POLG2: variants seen among roughly 807,000 people sequenced by gnomAD.
POLG2 encodes DNA polymerase subunit gamma-2.
Under a neutral mutation model 56.5 loss-of-function variants are expected in POLG2, and 50 were observed. The observed-to-expected ratio is 0.88, with a 90% confidence interval of 0.71 to 1.12. POLG2 has a LOEUF of 1.12. Ranked by LOEUF, POLG2 falls within the 50% of genes most tolerant of loss-of-function variation. The pLI is 0.00. For synonymous variants in POLG2, 226 were observed against 222.6 expected, an observed-to-expected ratio of 1.02 and a Z score of -0.14; for missense variants, 584 against 583.3, an observed-to-expected ratio of 1.00 and a Z score of -0.01.
intron 6 of POLG2, among the ~76,000 whole-genome samples, chr17:64,481,847 C>T (rs1174611119): frequency 6.6e-6 from 1 of 151,338 alleles, no homozygotes; most frequent in Non-Finnish European, 1.5e-5. Context: ...TGCACTCCAG[C>T]CTGGGTAACA....
At chr17:64,486,531 T>G (rs2144161081) in intron 4 of POLG2, among the ~76,000 whole-genome samples, 1 of 152,124 alleles carries the variant, frequency 6.6e-6, no homozygotes, top group Middle Eastern at 3.4e-3. Context: ...CTGGCTAATT[T>G]TTTTCTATTT....
chr17:64,488,185 G>A (rs1021010191), intron 4 of POLG2, among the ~76,000 whole-genome samples: 7 of 152,040 alleles, frequency 4.6e-5, no homozygotes, highest in Admixed American at 3.3e-4. Context: ...GCAACACAGC[G>A]AGACCCCATC....
intron 5 of POLG2, chr17:64,485,117 T>G (rs372078453): frequency 2.0e-5 from 3 of 152,364 alleles, no homozygotes; most frequent in Non-Finnish European, 4.4e-5. Context: ...CTTTTCAAGA[T>G]ACATTCTTCT....
chr17:64,482,802 G>A (rs1174407381), intron 6 of POLG2, 117 bp downstream of exon 6: 20 of 678,418 alleles, frequency 2.9e-5, no homozygotes, highest in Non-Finnish European at 5.4e-5. Flanking sequence ...TTGGATTTTT[G>A]GATTAGAGAT....
At chr17:64,482,225 T>C (rs192681628) in intron 6 of POLG2, among the ~76,000 whole-genome samples, 2 of 148,698 alleles carry the variant, frequency 1.3e-5, no homozygotes, top group African/African-American at 4.9e-5. Flanking sequence ...TGCCTTAGCC[T>C]CCTGAATAGC....
chr17:64,491,559 C>T (rs1555668466), intron 3 of POLG2: 31 of 1,550,968 alleles, frequency 2.0e-5, no homozygotes, highest in Non-Finnish European at 2.7e-5. Context: ...CAAGAAACTT[C>T]TGGAGGTCAA....
chr17:64,479,764 AGC>A (rs2037827305), intron 7 of POLG2, among the ~76,000 whole-genome samples: 2 of 152,188 alleles, frequency 1.3e-5, no homozygotes, highest in Non-Finnish European at 2.9e-5. Context: ...TTAGGAAGCA[AGC>A]TGACAGCATT....
At chr17:64,492,126 A>C (rs1386136064) in intron 3 of POLG2, among the ~76,000 whole-genome samples, 1 of 152,240 alleles carries the variant, frequency 6.6e-6, no homozygotes, top group Non-Finnish European at 1.5e-5. Context: ...TAAAGAAGAA[A>C]GTATCACATA....
At chr17:64,483,384 G>A (rs911893217) in intron 5 of POLG2, among the ~76,000 whole-genome samples, 33 of 151,870 alleles carry the variant, frequency 2.2e-4, no homozygotes, top group African/African-American at 7.3e-4. Context: ...TAGGTATGGC[G>A]CATACCTGTA....
chr17:64,483,478 C>T (rs567192855), intron 5 of POLG2, among the ~76,000 whole-genome samples: 149 of 150,522 alleles, frequency 9.9e-4, no homozygotes, highest in Non-Finnish European at 1.4e-3. Flanking sequence ...CGTGCCACTG[C>T]ACTCTAGTCT....
intron 3 of POLG2, chr17:64,491,705 C>A: frequency 9.8e-7 from 1 of 1,016,732 alleles, no homozygotes; most frequent in Non-Finnish European, 1.5e-6. Flanking sequence ...CGGGGTTTAC[C>A]ATGGTGCTGG....
Position 64,497,044 on chromosome 17 carries a change from T to A in POLG2, c.-76A>T, listed in dbSNP as rs901109833. ...CAAGCCACCACTACCGTTAACAGAA[T>A]CCGGAGAGGCCACGGCGCAGGCGCA... On this transcript the variant is annotated 5_prime_UTR_variant, in exon 1 of 8. Coordinates refer to ENST00000539111, the MANE Select transcript of POLG2 (RefSeq NM_007215.4). 1.9e-5 allele frequency: 28 copies of A among 1,443,612 alleles called. No individual in the cohort carries two copies. The South Asian group carries it at 2.8e-4, about 14-fold the overall frequency. The allele number at this position is 1,443,612 out of a possible 1,614,324, so 89.4% of individuals were successfully genotyped here. A position where few individuals can be genotyped will look rare whatever the true frequency, so the allele number is the denominator to read the frequency against.
intron 5 of POLG2, among the ~76,000 whole-genome samples, chr17:64,483,262 C>T (rs1555666862): frequency 6.6e-6 from 1 of 152,104 alleles, no homozygotes; most frequent in Non-Finnish European, 1.5e-5. Flanking sequence ...GCCTATAATT[C>T]CAGCACTTTG....
In POLG2 at chr17:64,483,177, T is replaced by C. The variant is rs570144383; in HGVS notation, c.1111-178A>G. On this transcript the variant is annotated intron_variant, in intron 5 of 7. Coordinates refer to ENST00000539111, the MANE Select transcript of POLG2 (RefSeq NM_007215.4). The stretch of plus-strand genomic sequence containing the variant: ...CATAAAAACACCATGTAGTAACATA[T>C]TCAGCTGCCCCCCAGATTTCTCCAC... 2.0e-5 allele frequency among the ~76,000 whole-genome samples: 3 copies of C among 152,314 alleles called. No individual in the cohort carries two copies. The East Asian group carries it at 5.8e-4, about 29-fold the overall frequency.
chr17:64,490,487 C>T, intron 4 of POLG2: 2 of 363,568 alleles, frequency 5.5e-6, no homozygotes, highest in Non-Finnish European at 5.2e-6. Flanking sequence ...TCACGCAAGA[C>T]AAGAGGAATT....
intron 4 of POLG2, chr17:64,490,480 C>T (rs868912484): frequency 6.0e-5 from 21 of 351,534 alleles, no homozygotes; most frequent in Middle Eastern, 9.5e-4. Flanking sequence ...GTCAAGGTCA[C>T]GCAAGACAAG....
chr17:64,497,020 A>C lies in POLG2; in HGVS notation c.-52T>G. 1.3e-6 allele frequency: 2 copies of C among 1,507,358 alleles called. No individual in the cohort carries two copies. Among genetic ancestry groups the C allele is most frequent in the Non-Finnish European group, 1.8e-6 (2 of 1,096,050 alleles). 93.4% of individuals were successfully genotyped at this position (1,507,358 alleles called of 1,614,324 possible). ...CTCCCATCACTCAACGGATCCCAACAAGCCACCACTACCGTTAACAGAATC... is the reference window on the plus strand; with the variant it reads ...CTCCCATCACTCAACGGATCCCAACCAGCCACCACTACCGTTAACAGAATC... On this transcript the variant is annotated 5_prime_UTR_variant, in exon 1 of 8. Coordinates refer to ENST00000539111, the MANE Select transcript of POLG2 (RefSeq NM_007215.4).
intron 1 of POLG2, among the ~76,000 whole-genome samples, chr17:64,495,670 A>T (rs2038138974): frequency 6.6e-6 from 1 of 152,168 alleles, no homozygotes; most frequent in African/African-American, 2.4e-5. Context: ...TTCTTTTACA[A>T]TGAATATCTT....
chr17:64,491,696 G>A (rs1219209614), intron 3 of POLG2: 12 of 1,095,606 alleles, frequency 1.1e-5, no homozygotes, highest in East Asian at 2.6e-5. Context: ...GGAGCATCTC[G>A]GGGTTTACCA....
Sources: allele counts gnomAD v4.1 joint callset (sites outside exome capture counted in the v4.1 genomes callset), GRCh38; gene constraint gnomAD v4.1.1; transcripts MANE v1.5; gene names NCBI Gene and HGNC (gene_info 2026-07-23, HGNC 2026-07-21).